The following AADACL4 variants were observed in gnomAD, a reference collection of about 807,000 sequenced individuals.
AADACL4 encodes the protein arylacetamide deacetylase-like 4.
In AADACL4, 9 loss-of-function variants were observed where a neutral mutation model predicts 14.1. The ratio of observed to expected loss-of-function variants is 0.64; its 90% CI spans 0.39 to 1.12. The LOEUF is 1.12. Among genes scored for constraint, AADACL4 ranks in the 50% most tolerant of loss-of-function variants. AADACL4 has a pLI of 0.01. For synonymous variants in AADACL4, 188 were observed against 201.6 expected (o/e 0.93, Z 0.57); for missense variants, 531 against 516.1 (o/e 1.03, Z -0.28).
Position 12,661,866 on chromosome 1 carries a change from G to A in AADACL4, c.449+12G>A. 6.2e-7 allele frequency: 1 copy of A among 1,613,822 alleles called. No individual in the cohort carries two copies. On this transcript the variant is annotated intron_variant, in intron 3 of 3. Coordinates refer to ENST00000376221, the MANE Select transcript of AADACL4 (RefSeq NM_001013630.2). Reference sequence around the variant, plus strand: ...CTTCTGATGATTGGGTGAGTTTCTGGAGACAGCTGGTAGGTTCCACAGGGG... The same window carrying A: ...CTTCTGATGATTGGGTGAGTTTCTGAAGACAGCTGGTAGGTTCCACAGGGG...
intron 2 of AADACL4, among the ~76,000 whole-genome samples, chr1:12,659,524 T>C (rs1340311612): frequency 6.6e-6 from 1 of 152,118 alleles, no homozygotes; most frequent in East Asian, 1.9e-4. Flanking sequence ...TAATGCAATG[T>C]TTAAAAAAAC....
chr1:12,645,171 A>C (rs1425182989), intron 1 of AADACL4, among the ~76,000 whole-genome samples: 226 of 58,138 alleles, frequency 3.9e-3, no homozygotes, highest in Admixed American at 5.1e-3. Context: ...CTCTCTTCCT[A>C]TCTCCTTCCT....
Position 12,661,767 on chromosome 1 carries a change from G to A in AADACL4, c.386-24G>A, listed in dbSNP as rs765366526. 3 of 1,612,638 alleles carry A rather than the reference G, an allele frequency of 1.9e-6. No individual in the cohort carries two copies. The Admixed American group carries it at 5.0e-5, about 27-fold the overall frequency. ...GTTTGGGTCCTACTCATGCGCTGCT[G>A]CTCTGAGTGTTTTTGTCTTGCAGAT... On this transcript the variant is annotated intron_variant, in intron 2 of 3. Coordinates refer to ENST00000376221, the MANE Select transcript of AADACL4 (RefSeq NM_001013630.2).
At position 12,666,662 on chromosome 1, in the gene AADACL4, A is replaced by G. The variant is rs1295653624; in HGVS notation, c.1151A>G (p.Asp384Gly). Residue 384 changes from aspartate to glycine, a missense_variant, in exon 4 of 4, where the codon GAT becomes GGT. Transcript: ENST00000376221. ...TTTCACGGATCCATTATCTTTTTTG[A>G]TAAGAAGGCTCTCTCTTTCCCATGT... ...DGFHGSIIFF[D>G]KKALSFPCSL... is the part of the protein sequence containing the mutation. 5.0e-6 allele frequency: 8 copies of G among 1,613,958 alleles called. No individual in the cohort carries two copies. Among genetic ancestry groups the G allele is most frequent in the Non-Finnish European group, 6.8e-6 (8 of 1,180,022 alleles).
chr1:12,663,838 T>G (rs953676426), intron 3 of AADACL4, among the ~76,000 whole-genome samples: 1 of 152,294 alleles, frequency 6.6e-6, no homozygotes, highest in South Asian at 2.1e-4. Context: ...GAAGCATGTG[T>G]TTCGCCTGAG....
In AADACL4 at chr1:12,666,602, G is replaced by A; in HGVS notation, c.1091G>A (p.Gly364Glu). The A allele has an allele frequency of 1.2e-6, 2 of 1,614,190 alleles. No homozygotes were observed. Among genetic ancestry groups the A allele is most frequent in the Non-Finnish European group, 1.7e-6 (2 of 1,180,036 alleles). The stretch of plus-strand genomic sequence containing the variant: ...TATAAGAAGCGCTTGGAGGACCAGG[G>A]GGTCCGCGTGACATGGTACCACCTG... Reference protein sequence around the residue: ...LLYKKRLEDQGVRVTWYHLYD... With the variant: ...LLYKKRLEDQEVRVTWYHLYD... Residue 364 changes from glycine to glutamate, a missense_variant, in exon 4 of 4, where the codon GGG (glycine) becomes GAG (glutamate). Transcript: ENST00000376221.
In AADACL4 at chr1:12,644,411, G is replaced by T; in HGVS notation, c.-136G>T. 1 of 970,572 alleles carries T rather than the reference G, an allele frequency of 1.0e-6. No individual in the cohort carries two copies. Among genetic ancestry groups the T allele is most frequent in the Middle Eastern group, 3.4e-4 (1 of 2,900 alleles). The allele number at this position is 970,572 out of a possible 1,614,324, so 60.1% of individuals were successfully genotyped here. A position where few individuals can be genotyped will look rare whatever the true frequency, so the allele number is the denominator to read the frequency against. ...TGCTTACCCTGAGAAGCTGTGTCAG[G>T]CCACTGTGTCAGGTGTCAGGCTTAG... On this transcript the variant is annotated 5_prime_UTR_variant, in exon 1 of 4. Transcript: ENST00000376221.
At chr1:12,651,017 A>G in intron 1 of AADACL4, 106 bp from the exon 2 acceptor site, 1 of 1,087,320 alleles carries the variant, frequency 9.2e-7, no homozygotes, top group Non-Finnish European at 1.4e-6. Context: ...TACAGGAGGC[A>G]GGTGAGAAAC....
Position 12,651,103 on chromosome 1 carries a change from TC to T in AADACL4, c.169-19del. The T allele has an allele frequency of 6.2e-7, 1 of 1,609,810 alleles. No homozygotes were observed. Among genetic ancestry groups the T allele is most frequent in the Non-Finnish European group, 8.5e-7 (1 of 1,176,242 alleles). On this transcript the variant is annotated intron_variant, in intron 1 of 3. Transcript: ENST00000376221. ...TCTAACCTCTCCTAACGTCTGGCTTTCTTTTGTTACCTCCAACAGGGGAATA... is the reference window on the plus strand; with the variant it reads ...TCTAACCTCTCCTAACGTCTGGCTTTTTTTGTTACCTCCAACAGGGGAATA...
rs1647326201 is a variant in AADACL4, at chr1:12,666,222, G to A, written c.711G>A (p.Gln237=). The change falls in exon 4 of 4, where the codon CAG becomes CAA. Residue 237 remains glutamine, a synonymous_variant. Coordinates refer to ENST00000376221, the MANE Select transcript of AADACL4 (RefSeq NM_001013630.2). ...AFCLQLPSFQ[Q]NQNVPLLSRK... Reference sequence around the variant, plus strand: ...GTTTGCAGTTGCCATCCTTTCAGCAGAACCAAAATGTCCCATTACTTTCCC... The same window carrying A: ...GTTTGCAGTTGCCATCCTTTCAGCAAAACCAAAATGTCCCATTACTTTCCC... 1.2e-6 allele frequency: 2 copies of A among 1,614,258 alleles called. No individual in the cohort carries two copies. Among genetic ancestry groups the A allele is most frequent in the South Asian group, 1.1e-5 (1 of 91,084 alleles).
rs916275964 is a variant in AADACL4 at position 12,657,175 on chromosome 1, C to G, written c.386-4616C>G. Among the ~76,000 whole-genome samples, 4 of 127,066 alleles carry G rather than the reference C, an allele frequency of 3.1e-5. No homozygotes were observed. The South Asian group carries it at 1.0e-3, about 32-fold the overall frequency. The allele number at this position is 127,066 out of a possible 152,430, so 83.4% of individuals were successfully genotyped here. On this transcript the variant is annotated intron_variant, in intron 2 of 3. Coordinates refer to ENST00000376221, the MANE Select transcript of AADACL4 (RefSeq NM_001013630.2). ...AAAAAAAAAAAAAAAATCAAACAAA[C>G]AAAACCCCAAACTACTCTGTGTAGG...
chr1:12,651,873 G>A (rs569273493), intron 2 of AADACL4, among the ~76,000 whole-genome samples: 1 of 147,540 alleles, frequency 6.8e-6, no homozygotes, highest in Admixed American at 6.8e-5. Flanking sequence ...CTGTCGCTCA[G>A]GCTGGAGTGC....
chr1:12,663,415 A>G lies in AADACL4; in HGVS notation c.449+1561A>G, dbSNP rs115106573. On this transcript the variant is annotated intron_variant, in intron 3 of 3. Transcript: ENST00000376221. ...GCTTCTCCTTGTATCCTAGAATGGCAGAAAGAGAAGCCAGAGAGCTCTCTA... is the reference window on the plus strand; with the variant it reads ...GCTTCTCCTTGTATCCTAGAATGGCGGAAAGAGAAGCCAGAGAGCTCTCTA... 3.4e-3 allele frequency among the ~76,000 whole-genome samples: 524 copies of G among 152,304 alleles called. 5 individuals are homozygous for G. Among genetic ancestry groups the G allele is most frequent in the African/African-American group, 0.012 (500 of 41,566 alleles).
intron 1 of AADACL4, among the ~76,000 whole-genome samples, chr1:12,650,773 C>T (rs1042642281): frequency 3.9e-5 from 6 of 152,128 alleles, no homozygotes; most frequent in African/African-American, 9.7e-5. Flanking sequence ...CCTCATGAGC[C>T]GTCCACCTCG....
chr1:12,647,031 CT>C (rs1647116071), intron 1 of AADACL4, among the ~76,000 whole-genome samples: 1 of 151,932 alleles, frequency 6.6e-6, no homozygotes, highest in African/African-American at 2.4e-5. Context: ...GAAGCCCTCA[CT>C]TACTCGTTTT....
intron 1 of AADACL4, among the ~76,000 whole-genome samples, chr1:12,648,388 C>CCTTCCTTCCTTCCTTTCTTTCTTT (rs1487579652): frequency 6.8e-6 from 1 of 146,752 alleles, no homozygotes; most frequent in African/African-American, 2.6e-5. Flanking sequence ...TTCCTTCCTT[C>CCTTCCTTCCTTCCTTTCTTTCTTT]CTTTCTTTCC....
Position 12,666,260 on chromosome 1 carries a change from T to C in AADACL4, c.749T>C (p.Val250Ala). 9 of 1,614,252 alleles carry C rather than the reference T, an allele frequency of 5.6e-6. No homozygotes were observed. Among genetic ancestry groups the C allele is most frequent in the Non-Finnish European group, 7.6e-6 (9 of 1,180,050 alleles). The change falls in exon 4 of 4, where the codon GTG (valine) becomes GCG (alanine). Residue 250 changes from valine to alanine, a missense_variant. By Grantham distance (64) the Val-to-Ala change is moderately conservative. Coordinates refer to ENST00000376221, the MANE Select transcript of AADACL4 (RefSeq NM_001013630.2). ...CCATTACTTTCCCGGAAGTTCATGG[T>C]GACTTCTCTGTGTAACTATCTGGCC... ...NVPLLSRKFM[V>A]TSLCNYLAID...
intron 3 of AADACL4, among the ~76,000 whole-genome samples, chr1:12,664,132 G>A (rs1647273217): frequency 1.3e-5 from 2 of 152,308 alleles, no homozygotes; most frequent in African/African-American, 2.4e-5. Context: ...AGAAGAAAGA[G>A]TGAGGGCTTA....
intron 3 of AADACL4, among the ~76,000 whole-genome samples, chr1:12,665,505 A>G (rs2027588): frequency 0.18 from 27,911 of 152,200 alleles, 4,497 homozygotes; most frequent in African/African-American, 0.44. Context: ...GATTACAGGC[A>G]TGAGTCACCG....
Sources: allele counts gnomAD v4.1 joint callset (sites outside exome capture counted in the v4.1 genomes callset), GRCh38; gene constraint gnomAD v4.1.1; transcripts MANE v1.5; gene names NCBI Gene and HGNC (gene_info 2026-07-23, HGNC 2026-07-21).